The following STARD9 variants were observed in gnomAD, a reference collection of about 807,000 sequenced individuals.
The protein encoded by STARD9 is stAR-related lipid transfer protein 9.
Under a neutral mutation model 399.8 loss-of-function variants are expected in STARD9, and 346 were observed. That is an observed-to-expected ratio of 0.87 (90% CI 0.79 to 0.95). The LOEUF is 0.95. STARD9 is among the 40% of genes least tolerant of loss of function. STARD9 has a pLI of 0.00. For synonymous variants in STARD9, 2,203 were observed against 2,143.5 expected (o/e 1.03, Z -0.77); for missense variants, 5,832 against 5,667.5 (o/e 1.03, Z -0.93).
chr15:42,652,500 G>C lies in STARD9; in HGVS notation c.630-20G>C, dbSNP rs1402572022. On this transcript the variant is annotated intron_variant, in intron 8 of 32. Coordinates refer to ENST00000290607, the MANE Select transcript of STARD9 (RefSeq NM_020759.3). The stretch of plus-strand genomic sequence containing the variant: ...TGTGTAAACAATCCTCGTCCTAACA[G>C]TTTTTCCTTGTATACACAGAATCAC... 6.5e-7 allele frequency: 1 copy of C among 1,535,802 alleles called. No individual in the cohort carries two copies. The highest frequency in any genetic ancestry group is 1.2e-5 in the South Asian group (1 of 84,008).
chr15:42,599,948 T>C (rs564829154), intron 3 of STARD9, among the ~76,000 whole-genome samples: 1 of 152,296 alleles, frequency 6.6e-6, no homozygotes, highest in East Asian at 1.9e-4. Flanking sequence ...AAGAATAACA[T>C]ATCCAAAGTT....
intron 3 of STARD9, among the ~76,000 whole-genome samples, chr15:42,616,061 T>G (rs1166799301): frequency 6.6e-6 from 1 of 152,104 alleles, no homozygotes; most frequent in Non-Finnish European, 1.5e-5. Context: ...TCGCTTGGTA[T>G]AAGAAGTGAG....
At chr15:42,590,596 T>C (rs1004684344) in intron 3 of STARD9, among the ~76,000 whole-genome samples, 8 of 152,188 alleles carry the variant, frequency 5.3e-5, no homozygotes, top group African/African-American at 1.7e-4. Context: ...TTTTGTGTTA[T>C]AAAGGAATAC....
chr15:42,686,977 T>A lies in STARD9; in HGVS notation c.5399T>A (p.Val1800Glu). ...QGAYLKNNLP[V>E]LLQNQNSKIA... ...GCTTATTTGAAGAATAATTTGCCAG[T>A]GCTGTTACAAAACCAGAATTCTAAG... is the stretch of plus-strand genomic sequence containing the variant. The change falls in exon 23 of 33, where the codon GTG becomes GAG. Residue 1800 changes from valine to glutamate, a missense_variant. Physicochemically the swap from Val to Glu is moderately radical, Grantham distance 121 (BLOSUM62 -2). Around this residue, in one of 2 missense-constraint regions of STARD9, gnomAD observed 5,828 missense variants for 5,651.1 expected, o/e 1.03. Transcript: ENST00000290607. 6.5e-7 allele frequency: 1 copy of A among 1,536,700 alleles called. No individual in the cohort carries two copies. Among genetic ancestry groups the A allele is most frequent in the Non-Finnish European group, 8.7e-7 (1 of 1,146,722 alleles).
In STARD9 at chr15:42,691,363, T is replaced by A; in HGVS notation, c.9785T>A (p.Ile3262Asn). The change falls in exon 23 of 33, where the codon ATT becomes AAT. Residue 3262 changes from isoleucine (I) to asparagine (N), a missense_variant. This residue lies in a region of STARD9 where 5,828 missense variants were observed against 5,651.1 expected (regional missense o/e 1.03). Coordinates refer to ENST00000290607, the MANE Select transcript of STARD9 (RefSeq NM_020759.3). ...VAVAKPPVSK[I>N]LSQGFKDPAT... ...GTGGCCAAGCCTCCTGTGTCCAAGA[T>A]TTTATCACAGGGCTTCAAAGACCCA... The A allele has an allele frequency of 6.5e-7, 1 of 1,537,094 alleles. No individual in the cohort carries two copies.
At chr15:42,599,060 A>T (rs2141737250) in intron 3 of STARD9, among the ~76,000 whole-genome samples, 1 of 152,232 alleles carries the variant, frequency 6.6e-6, no homozygotes, top group South Asian at 2.1e-4. Context: ...AGTAGCTGGG[A>T]TTACAGGCCC....
intron 9 of STARD9, among the ~76,000 whole-genome samples, chr15:42,660,661 G>C (rs1247777932): frequency 1.3e-5 from 2 of 151,970 alleles, no homozygotes; most frequent in African/African-American, 4.8e-5. Context: ...TCGGGGTTGG[G>C]GGCAGAGTAG....
At position 42,674,000 on chromosome 15, in the gene STARD9, G is replaced by T. The variant is rs538220735; in HGVS notation, c.1498-440G>T. On this transcript the variant is annotated intron_variant, in intron 16 of 32. Coordinates refer to ENST00000290607, the MANE Select transcript of STARD9 (RefSeq NM_020759.3). ...GTGTTTCCATAAATCTTCACAAAAT[G>T]CTTGTTTGATTGAGACTTACTGGAT... 2.2e-5 allele frequency: 10 copies of T among 456,864 alleles called. No individual in the cohort carries two copies. In the Admixed American group the frequency reaches 2.4e-4, roughly 11 times the overall value. 28.3% of individuals were successfully genotyped at this position (456,864 alleles called of 1,614,324 possible).
At chr15:42,674,348 A>G (rs1595748033) in intron 16 of STARD9, 92 bp from the exon 17 acceptor site, 1 of 1,022,620 alleles carries the variant, frequency 9.8e-7, no homozygotes, top group Non-Finnish European at 1.5e-6. Flanking sequence ...TGAGGCTGGG[A>G]AGACAGTGAG....
intron 3 of STARD9, among the ~76,000 whole-genome samples, chr15:42,614,117 C>G (rs1051837730): frequency 1.7e-4 from 26 of 152,094 alleles, no homozygotes; most frequent in African/African-American, 6.3e-4. Flanking sequence ...TCAAGACTGC[C>G]CTGACCAACA....
chr15:42,668,119 A>T (rs1390761068), intron 15 of STARD9, among the ~76,000 whole-genome samples: 1 of 152,044 alleles, frequency 6.6e-6, no homozygotes, highest in Admixed American at 6.6e-5. Flanking sequence ...GTGTAGGAGT[A>T]GGTGGTGAAA....
Position 42,719,631 on chromosome 15 carries a change from C to G in STARD9, c.*57C>G. ...GCAGGCCCAGGCTGCTCAAGAGAGA[C>G]ACTGTGGCAGCTCCTTGTTACTTTC... On this transcript the variant is annotated 3_prime_UTR_variant, in exon 33 of 33. Transcript: ENST00000290607. 8.9e-7 allele frequency: 1 copy of G among 1,128,526 alleles called. No homozygotes were observed. Among genetic ancestry groups the G allele is most frequent in the Non-Finnish European group, 1.3e-6 (1 of 782,286 alleles). 69.9% of individuals were successfully genotyped at this position (1,128,526 alleles called of 1,614,324 possible).
At chr15:42,631,293 G>T (rs982281075) in intron 3 of STARD9, among the ~76,000 whole-genome samples, 1 of 152,028 alleles carries the variant, frequency 6.6e-6, no homozygotes, top group Non-Finnish European at 1.5e-5. Context: ...TTTGTTTCAA[G>T]AAATTTAGGC....
rs1462618876 is a variant in STARD9 at position 42,690,949 on chromosome 15, A to T, written c.9371A>T (p.Asn3124Ile). The change falls in exon 23 of 33, where the codon AAT becomes ATT. Residue 3124 changes from asparagine to isoleucine, a missense_variant. By Grantham distance (149) the Asn-to-Ile change is moderately radical. This residue lies in a region of STARD9 where 5,828 missense variants were observed against 5,651.1 expected (regional missense o/e 1.03). Transcript: ENST00000290607. ...QFRDSSVGDQNAQVCQTNPEP... is the reference protein window; with the variant it reads ...QFRDSSVGDQIAQVCQTNPEP... ...AGGGACAGCTCTGTAGGTGACCAGA[A>T]TGCACAGGTGTGTCAAACCAATCCA... 6.5e-7 allele frequency: 1 copy of T among 1,537,208 alleles called. No individual in the cohort carries two copies. Among genetic ancestry groups the T allele is most frequent in the Non-Finnish European group, 8.7e-7 (1 of 1,146,914 alleles).
intron 31 of STARD9, 72 bp from the exon 32 acceptor site, chr15:42,718,680 T>C: frequency 6.7e-7 from 1 of 1,496,410 alleles, no homozygotes; most frequent in South Asian, 1.2e-5. Flanking sequence ...TTCACCATAC[T>C]GTCTACACGG....
In STARD9 at chr15:42,690,150, C is replaced by A; in HGVS notation, c.8572C>A (p.Pro2858Thr). The change falls in exon 23 of 33, where the codon CCT becomes ACT. Residue 2858 changes from proline (P) to threonine (T), a missense_variant. Coordinates refer to ENST00000290607, the MANE Select transcript of STARD9 (RefSeq NM_020759.3). The part of the protein sequence containing the change: ...RASPKQDTIL[P>T]GALTRVALEA... The stretch of plus-strand genomic sequence containing the variant: ...AAGTCCCAAACAAGATACCATTCTG[C>A]CTGGAGCTCTGACAAGGGTTGCACT... 1 of 1,537,828 alleles carries A rather than the reference C, an allele frequency of 6.5e-7. No individual in the cohort carries two copies. Among genetic ancestry groups the A allele is most frequent in the Non-Finnish European group, 8.7e-7 (1 of 1,147,050 alleles).
chr15:42,681,637 C>G, intron 21 of STARD9, 25 bp downstream of exon 21: 1 of 1,510,434 alleles, frequency 6.6e-7, no homozygotes. Flanking sequence ...CTTAATGTGT[C>G]TGCCTCACCT....
chr15:42,595,813 G>A (rs1486381259), intron 3 of STARD9, among the ~76,000 whole-genome samples: 2 of 152,200 alleles, frequency 1.3e-5, no homozygotes, highest in East Asian at 1.9e-4. Flanking sequence ...GCTCTGCAGA[G>A]CTGAGTGGAA....
chr15:42,615,715 TAA>T (rs869109037), intron 3 of STARD9, among the ~76,000 whole-genome samples: 7 of 140,620 alleles, frequency 5.0e-5, no homozygotes, highest in Admixed American at 7.2e-5. Flanking sequence ...AAAAGGAGAT[TAA>T]AAAAAAAAAA....
Sources: allele counts gnomAD v4.1 joint callset (sites outside exome capture counted in the v4.1 genomes callset), GRCh38; gene constraint gnomAD v4.1.1; regional missense constraint gnomAD v4.1.1; transcripts MANE v1.5; gene names NCBI Gene and HGNC (gene_info 2026-07-23, HGNC 2026-07-21).